Variants in SCHIP1 observed in about 807,000 individuals in gnomAD.
SCHIP1 encodes the protein schwannomin interacting protein 1, also known as schwannomin-interacting protein 1.
A neutral mutation model predicts 29.7 loss-of-function variants in SCHIP1; 8 were observed. The ratio of observed to expected loss-of-function variants is 0.27; its 90% CI spans 0.16 to 0.49. SCHIP1 has a LOEUF of 0.49. Among genes scored for constraint, SCHIP1 ranks in the 20% least tolerant of loss-of-function variants. SCHIP1 has a pLI of 0.99. For missense variants in SCHIP1, 193 were observed against 294.6 expected (o/e 0.66, Z 2.52); for synonymous variants, 76 against 94.9 (o/e 0.80, Z 1.16).
At chr3:159,334,901 T>TTC in the SCHIP1 span, among the ~76,000 whole-genome samples, 1,474 of 39,138 alleles carry the variant, frequency 0.038, 19 homozygotes, top group East Asian at 0.12. Flanking sequence ...CTTCTTCTTC[T>TTC]TTTTTTTTTT....
chr3:159,361,005 A>G, the SCHIP1 span, among the ~76,000 whole-genome samples: 1 of 152,202 alleles, frequency 6.6e-6, no homozygotes, highest in African/African-American at 2.4e-5. Flanking sequence ...ACATTTGAAC[A>G]TGAACAATGT....
chr3:159,668,563 C>T, the SCHIP1 span, among the ~76,000 whole-genome samples: 2 of 152,000 alleles, frequency 1.3e-5, no homozygotes, highest in African/African-American at 4.8e-5. Context: ...TCATCTTCAC[C>T]TGGGCTTTTG....
intron 1 of SCHIP1, among the ~76,000 whole-genome samples, chr3:159,842,026 A>C (rs1402223080): frequency 1.3e-5 from 2 of 152,178 alleles, no homozygotes; most frequent in East Asian, 1.9e-4. Flanking sequence ...CCCAGCTGGC[A>C]CCACATGCAA....
intron 1 of SCHIP1, among the ~76,000 whole-genome samples, chr3:159,844,722 C>A (rs1170596970): frequency 1.3e-5 from 2 of 152,190 alleles, no homozygotes; most frequent in African/African-American, 4.8e-5. Flanking sequence ...TGCTTAAAAG[C>A]TCTTAAATAT....
upstream of SCHIP1, chr3:159,839,769 C>A: frequency 1.6e-6 from 1 of 612,760 alleles, no homozygotes; most frequent in Non-Finnish European, 2.3e-6. Flanking sequence ...CCCTCGCTGG[C>A]CTTTTTCTCG....
At chr3:159,779,618 A>G in the SCHIP1 span, among the ~76,000 whole-genome samples, 1 of 151,850 alleles carries the variant, frequency 6.6e-6, no homozygotes, top group Non-Finnish European at 1.5e-5. Context: ...GGTTGCAGTG[A>G]GCCAAGATCG....
chr3:159,289,749 T>G, the SCHIP1 span, among the ~76,000 whole-genome samples: 24,438 of 152,240 alleles, frequency 0.16, 2,278 homozygotes, highest in Middle Eastern at 0.27. Context: ...ACATAAACAT[T>G]TCTTGAACAA....
At chr3:159,741,623 G>A in the SCHIP1 span, among the ~76,000 whole-genome samples, 1 of 152,300 alleles carries the variant, frequency 6.6e-6, no homozygotes, top group East Asian at 1.9e-4. Flanking sequence ...TTTAAAATAT[G>A]TAACCATCAA....
chr3:159,337,295 G>T, the SCHIP1 span, among the ~76,000 whole-genome samples: 1 of 152,150 alleles, frequency 6.6e-6, no homozygotes, highest in African/African-American at 2.4e-5. Flanking sequence ...ACAAGACAGG[G>T]ATGCCCTCTC....
At chr3:159,554,949 G>A in the SCHIP1 span, among the ~76,000 whole-genome samples, 3 of 152,020 alleles carry the variant, frequency 2.0e-5, no homozygotes, top group Non-Finnish European at 2.9e-5. Flanking sequence ...GATGGGAGAG[G>A]AAAAGGAAGA....
At chr3:159,716,770 A>G in the SCHIP1 span, among the ~76,000 whole-genome samples, 2 of 152,148 alleles carry the variant, frequency 1.3e-5, no homozygotes, top group East Asian at 3.9e-4. Flanking sequence ...AGAGACTTAG[A>G]CTCCCACACA....
the SCHIP1 span, among the ~76,000 whole-genome samples, chr3:159,691,279 A>G: frequency 2.0e-5 from 3 of 152,128 alleles, no homozygotes; most frequent in African/African-American, 7.2e-5. Flanking sequence ...CTCCTGTATT[A>G]TGTGCATTTA....
the SCHIP1 span, among the ~76,000 whole-genome samples, chr3:159,595,770 G>C: frequency 1.3e-5 from 2 of 152,172 alleles, no homozygotes; most frequent in Admixed American, 1.3e-4. Context: ...CCATGAAAAT[G>C]CATGGCTTTC....
chr3:159,311,074 C>T, the SCHIP1 span, among the ~76,000 whole-genome samples: 1 of 152,124 alleles, frequency 6.6e-6, no homozygotes, highest in African/African-American at 2.4e-5. Flanking sequence ...CACTTCCATG[C>T]TCTCCTTTCC....
chr3:159,745,475 A>G, the SCHIP1 span, among the ~76,000 whole-genome samples: 42,158 of 152,108 alleles, frequency 0.28, 5,892 homozygotes, highest in Middle Eastern at 0.35. Context: ...CCTAGTAATA[A>G]TCACCAAATG....
chr3:159,833,457 A>G, the SCHIP1 span, among the ~76,000 whole-genome samples: 3 of 152,182 alleles, frequency 2.0e-5, no homozygotes, highest in Admixed American at 2.0e-4. Flanking sequence ...TGTGATTATT[A>G]CATTGAGCTC....
the SCHIP1 span, among the ~76,000 whole-genome samples, chr3:159,405,796 T>A: frequency 1.3e-5 from 2 of 149,800 alleles, no homozygotes; most frequent in Non-Finnish European, 3.0e-5. Context: ...GCCAGGAGAA[T>A]CACTTGAACC....
the SCHIP1 span, among the ~76,000 whole-genome samples, chr3:159,693,320 T>A: frequency 1.3e-5 from 2 of 152,216 alleles, no homozygotes; most frequent in African/African-American, 4.8e-5. Context: ...TCTCTCTTTC[T>A]TCCAAGGATA....
the SCHIP1 span, among the ~76,000 whole-genome samples, chr3:159,591,347 G>T: frequency 1.3e-5 from 2 of 152,070 alleles, no homozygotes; most frequent in African/African-American, 4.8e-5. Context: ...AGCCATTGTG[G>T]AATACAGTGT....
Sources: gnomAD v4.1 joint callset for allele counts (sites outside exome capture counted in the v4.1 genomes callset) on GRCh38, gnomAD v4.1.1 for gene constraint, MANE v1.5 for transcripts, NCBI Gene and HGNC (gene_info 2026-07-23, HGNC 2026-07-21) for gene names.